Variants in TM9SF3 observed in about 807,000 individuals in gnomAD.
The protein encoded by TM9SF3 is transmembrane 9 superfamily member 3.
Under a neutral mutation model 78.6 loss-of-function variants are expected in TM9SF3, and 14 were observed. That is an observed-to-expected ratio of 0.18 (90% CI 0.12 to 0.28). The LOEUF (loss-of-function observed/expected upper bound fraction) is 0.28. TM9SF3 is among the 10% of genes least tolerant of loss of function. The pLI, the probability that TM9SF3 is intolerant of heterozygous loss-of-function variation, is 1.00. For missense variants in TM9SF3, 496 were observed against 721.9 expected (o/e 0.69, Z 3.59); for synonymous variants, 231 against 241.7 (o/e 0.96, Z 0.41).
intron 14 of TM9SF3, among the ~76,000 whole-genome samples, chr10:96,523,807 T>C (rs1195088769): frequency 2.6e-5 from 4 of 151,918 alleles, no homozygotes; most frequent in Non-Finnish European, 1.5e-5. Flanking sequence ...AGAATATCTA[T>C]AGACTAAAAG....
At chr10:96,542,550 C>T (rs992819838) in intron 9 of TM9SF3, among the ~76,000 whole-genome samples, 4 of 151,996 alleles carry the variant, frequency 2.6e-5, no homozygotes, top group Admixed American at 2.0e-4. Context: ...CTTTGAAATA[C>T]CATTTTTACC....
rs1848408139 is a variant in TM9SF3 at position 96,568,850 on chromosome 10, A to G, written c.299-3424T>C. 2.0e-5 allele frequency among the ~76,000 whole-genome samples: 3 copies of G among 152,110 alleles called. No homozygotes were observed. The South Asian group carries it at 6.2e-4, about 32-fold the overall frequency. On this transcript the variant is annotated intron_variant, in intron 2 of 14. Transcript: ENST00000371142. ...CTTCCATGAACCTCTCAGTTCCCTT[A>G]ACAGAGACAGCATCTATGCTATCTC...
At chr10:96,583,099 AAAAG>A (rs1304567696) in intron 1 of TM9SF3, among the ~76,000 whole-genome samples, 14 of 151,832 alleles carry the variant, frequency 9.2e-5, no homozygotes, top group South Asian at 2.1e-4. Flanking sequence ...AAAAAGAAAA[AAAAG>A]AAAGAAAGAA....
intron 2 of TM9SF3, among the ~76,000 whole-genome samples, chr10:96,573,284 T>G (rs1848459798): frequency 6.6e-6 from 1 of 152,218 alleles, no homozygotes; most frequent in African/African-American, 2.4e-5. Context: ...GAGAGGGAAT[T>G]GGATGACACA....
intron 1 of TM9SF3, among the ~76,000 whole-genome samples, chr10:96,583,461 T>C (rs1421811829): frequency 2.0e-5 from 3 of 152,210 alleles, no homozygotes; most frequent in Non-Finnish European, 2.9e-5. Context: ...CATTTAAGCA[T>C]TTAAGCACTT....
intron 14 of TM9SF3, among the ~76,000 whole-genome samples, chr10:96,523,487 T>C (rs1225053191): frequency 6.6e-6 from 1 of 151,784 alleles, no homozygotes; most frequent in Non-Finnish European, 1.5e-5. Context: ...AGCTAACAAA[T>C]ATAAAAGGAA....
intron 9 of TM9SF3, among the ~76,000 whole-genome samples, chr10:96,539,123 G>A: frequency 6.6e-6 from 1 of 152,102 alleles, no homozygotes; most frequent in East Asian, 1.9e-4. Flanking sequence ...ATAAATTATG[G>A]TATAACCATG....
In TM9SF3 at chr10:96,551,556, A is replaced by G. The variant is rs1848170423; in HGVS notation, c.793-145T>C. On this transcript the variant is annotated intron_variant, in intron 6 of 14. Transcript: ENST00000371142. Reference sequence around the variant, plus strand: ...CAAAATATTGAGAAAGTATATTCCAAACTTAGAATGATCACTGCCTTAATA... The same window carrying G: ...CAAAATATTGAGAAAGTATATTCCAGACTTAGAATGATCACTGCCTTAATA... 3 of 532,938 alleles carry G rather than the reference A, an allele frequency of 5.6e-6. 1 individual carries two copies. The highest frequency in any genetic ancestry group is 9.1e-6 in the Non-Finnish European group (3 of 328,894). 33.0% of individuals were successfully genotyped at this position (532,938 alleles called of 1,614,324 possible).
At position 96,558,258 on chromosome 10, in the gene TM9SF3, CGAG is replaced by C. The variant is rs749239131; in HGVS notation, c.660+1398_660+1400del. Reference sequence around the variant, plus strand: ...TTGAAGATTGCCTGAGCATTATACTCGAGGAGAACACACAGCAGGTGGGGTTGA... The same window carrying C: ...TTGAAGATTGCCTGAGCATTATACTCGAGAACACACAGCAGGTGGGGTTGA... On this transcript the variant is annotated intron_variant, in intron 5 of 14. Coordinates refer to ENST00000371142, the MANE Select transcript of TM9SF3 (RefSeq NM_020123.4). Among the ~76,000 whole-genome samples the C allele has an allele frequency of 8.5e-5, 13 of 152,104 alleles. 1 individual carries two copies. Among genetic ancestry groups the C allele is most frequent in the East Asian group, 7.7e-4 (4 of 5,172 alleles).
At chr10:96,579,279 C>A (rs543889426) in intron 1 of TM9SF3, among the ~76,000 whole-genome samples, 1 of 152,306 alleles carries the variant, frequency 6.6e-6, no homozygotes, top group South Asian at 2.1e-4. Context: ...TATTTAAGAG[C>A]AGAATGTTGA....
In TM9SF3 at chr10:96,527,514, A is replaced by G. The variant is rs778061423; in HGVS notation, c.1542-18T>C. 1.3e-6 allele frequency: 2 copies of G among 1,576,982 alleles called. No homozygotes were observed. The highest frequency in any genetic ancestry group is 1.7e-6 in the Non-Finnish European group (2 of 1,154,926). On this transcript the variant is annotated intron_variant, in intron 12 of 14. Transcript: ENST00000371142. ...TCCATTGCCTGGTGGGGGGAGGGGG[A>G]AAGAAGATAAATCTCTTTTGAATGA...
Position 96,543,629 on chromosome 10 carries a change from C to T in TM9SF3, c.1185+447G>A, listed in dbSNP as rs113979588. The T allele has an allele frequency of 6.2e-3, 948 of 152,614 alleles. 5 individuals are homozygous for T. The highest frequency in any genetic ancestry group is 0.02 in the Middle Eastern group (6 of 294). The allele number at this position is 152,614 out of a possible 1,614,324, so 9.5% of individuals were successfully genotyped here. ...CTGGGATTAAAGGTGTGAGCCACCG[C>T]GCCTGGCCAATGCTTAGTGACTTTC... On this transcript the variant is annotated intron_variant, in intron 9 of 14. Transcript: ENST00000371142.
At chr10:96,563,594 T>G (rs941933387) in intron 3 of TM9SF3, among the ~76,000 whole-genome samples, 20 of 152,044 alleles carry the variant, frequency 1.3e-4, no homozygotes, top group African/African-American at 3.9e-4. Context: ...GCCATGGTGG[T>G]CTCGAACTCC....
rs1358241523 is a variant in TM9SF3, at chr10:96,519,313, C to T, written c.*2950G>A. On this transcript the variant is annotated 3_prime_UTR_variant, in exon 15 of 15. Coordinates refer to ENST00000371142, the MANE Select transcript of TM9SF3 (RefSeq NM_020123.4). ...GTCCATCCACTCTCAATGGAAAACACCCAAGCATACCATTCACTAGGTTCG... is the reference window on the plus strand; with the variant it reads ...GTCCATCCACTCTCAATGGAAAACATCCAAGCATACCATTCACTAGGTTCG... 1 of 151,930 alleles carries T rather than the reference C, an allele frequency of 6.6e-6. No individual in the cohort carries two copies. Among genetic ancestry groups the T allele is most frequent in the Non-Finnish European group, 1.5e-5 (1 of 67,876 alleles). 9.4% of individuals were successfully genotyped at this position (151,930 alleles called of 1,614,324 possible).
intron 9 of TM9SF3, among the ~76,000 whole-genome samples, chr10:96,538,339 A>T (rs180816170): frequency 6.6e-6 from 1 of 152,286 alleles, no homozygotes; most frequent in Non-Finnish European, 1.5e-5. Context: ...AAAACAAAAC[A>T]AAACCCCTCT....
At chr10:96,567,168 TC>T (rs1228442881) in intron 2 of TM9SF3, among the ~76,000 whole-genome samples, 3 of 148,410 alleles carry the variant, frequency 2.0e-5, no homozygotes, top group Non-Finnish European at 4.5e-5. Flanking sequence ...CACTGCAACT[TC>T]CACCTCCCAG....
In TM9SF3 at chr10:96,530,887, G is replaced by A. The variant is rs1470729031; in HGVS notation, c.1326-279C>T. Among the ~76,000 whole-genome samples, 10 of 152,160 alleles carry A rather than the reference G, an allele frequency of 6.6e-5. 1 individual carries two copies. Among genetic ancestry groups the A allele is most frequent in the Admixed American group, 6.5e-4 (10 of 15,276 alleles). ...TGGCAGAACTTCAAAAAGTCTCTAA[G>A]TGTTCCCTCTGGTTCTACTAGACTC... On this transcript the variant is annotated intron_variant, in intron 10 of 14. Coordinates refer to ENST00000371142, the MANE Select transcript of TM9SF3 (RefSeq NM_020123.4).
chr10:96,543,293 T>C (rs1040518964), intron 9 of TM9SF3, among the ~76,000 whole-genome samples: 1 of 152,110 alleles, frequency 6.6e-6, no homozygotes, highest in Non-Finnish European at 1.5e-5. Context: ...TGCAAACACA[T>C]TTTAACATCT....
chr10:96,560,558 A>C (rs1326668318), intron 4 of TM9SF3: 1 of 698,328 alleles, frequency 1.4e-6, no homozygotes, highest in Non-Finnish European at 2.7e-6. Flanking sequence ...ATGCAGAATC[A>C]GAAGATGAAC....
Sources: allele counts gnomAD v4.1 joint callset (sites outside exome capture counted in the v4.1 genomes callset), GRCh38; gene constraint gnomAD v4.1.1; transcripts MANE v1.5; gene names NCBI Gene and HGNC (gene_info 2026-07-23, HGNC 2026-07-21).